LIPJ: variants seen among roughly 807,000 people sequenced by gnomAD.
LIPJ encodes the protein lipase member J.
LIPJ carries 33 observed loss-of-function variants against 39.8 expected under a neutral mutation model. That is an observed-to-expected ratio of 0.83 (90% CI 0.63 to 1.11). The LOEUF (loss-of-function observed/expected upper bound fraction) is 1.11. Ranked by LOEUF, LIPJ falls within the 50% of genes least tolerant of loss-of-function variation. The pLI, the probability that LIPJ is intolerant of heterozygous loss-of-function variation, is 0.00. For synonymous variants in LIPJ, 128 were observed against 139.2 expected (o/e 0.92, Z 0.57); for missense variants, 422 against 427.9 (o/e 0.99, Z 0.12).
intron 4 of LIPJ, chr10:88,593,044 G>A (rs1432156685): frequency 1.3e-5 from 2 of 151,898 alleles, no homozygotes; most frequent in Non-Finnish European, 2.9e-5. Flanking sequence ...AGTTAAAACA[G>A]GGCATAGAAG....
At chr10:88,583,141 G>A (rs1564924532), upstream of LIPJ, 1 of 1,614,106 alleles carries the variant, frequency 6.2e-7, no homozygotes, top group Admixed American at 1.7e-5. Flanking sequence ...CAGCAGCGCA[G>A]CGCACAAGCT....
At chr10:88,609,696 C>G (rs1400518310), downstream of LIPJ, among the ~76,000 whole-genome samples, 1 of 151,930 alleles carries the variant, frequency 6.6e-6, no homozygotes, top group Non-Finnish European at 1.5e-5. Flanking sequence ...GTCAAGAGAT[C>G]GGGACCATCC....
chr10:88,612,941 T>A, the LIPJ span, among the ~76,000 whole-genome samples: 1 of 152,224 alleles, frequency 6.6e-6, no homozygotes, highest in South Asian at 2.1e-4. Context: ...TACACTGTAT[T>A]CATCAGCACA....
chr10:88,605,699 A>C, exon 10 of LIPJ: 3 of 1,599,788 alleles, frequency 1.9e-6, no homozygotes, highest in Non-Finnish European at 2.6e-6. Context: ...GGTTCATTAT[A>C]ATCAGGTACA....
At chr10:88,622,290 C>G in the LIPJ span, among the ~76,000 whole-genome samples, 1 of 152,162 alleles carries the variant, frequency 6.6e-6, no homozygotes, top group African/African-American at 2.4e-5. Flanking sequence ...TTATCCTTCT[C>G]CCTTGTTTCC....
At chr10:88,607,552 C>T (rs975157766), downstream of LIPJ, among the ~76,000 whole-genome samples, 4 of 152,146 alleles carry the variant, frequency 2.6e-5, no homozygotes, top group Non-Finnish European at 5.9e-5. Flanking sequence ...TCCTAGGTAA[C>T]TAGATCTGAG....
chr10:88,620,407 G>A, the LIPJ span, among the ~76,000 whole-genome samples: 1 of 152,160 alleles, frequency 6.6e-6, no homozygotes, highest in South Asian at 2.1e-4. Context: ...GTTAATAGAA[G>A]TGAGATCAAA....
Position 88,591,667 on chromosome 10 carries a change from C to T in LIPJ, c.130+169C>T, listed in dbSNP as rs895021112. The stretch of plus-strand genomic sequence containing the variant: ...AGAAGAGTCACACAAGAAGATACAC[C>T]GGCCTTCTGGTCACAGAGAGGTTGT... On this transcript the variant is annotated intron_variant, in intron 4 of 10. Transcript: ENST00000371939. The T allele has an allele frequency of 1.0e-4, 47 of 451,222 alleles. No homozygotes were observed. The South Asian group carries it at 2.0e-3, about 19-fold the overall frequency. The allele number at this position is 451,222 out of a possible 1,614,324, so 28.0% of individuals were successfully genotyped here.
At chr10:88,603,782 C>T (rs1851572391) in intron 9 of LIPJ, among the ~76,000 whole-genome samples, 1 of 152,026 alleles carries the variant, frequency 6.6e-6, no homozygotes, top group Non-Finnish European at 1.5e-5. Context: ...AAGGCTTTTT[C>T]ATTTACGAAA....
upstream of LIPJ, chr10:88,583,029 C>T: frequency 1.9e-6 from 3 of 1,594,542 alleles, no homozygotes; most frequent in Non-Finnish European, 2.6e-6. Context: ...AGCAGCCTGC[C>T]CGGCAGTCCT....
At chr10:88,593,533 C>CA (rs1851152064) in intron 4 of LIPJ, 2 of 152,640 alleles carry the variant, frequency 1.3e-5, no homozygotes, top group Non-Finnish European at 2.9e-5. Context: ...ATCAGGTTGG[C>CA]AGCCTCTTGT....
chr10:88,591,561 T>C (rs1590075503), intron 4 of LIPJ, 63 bp downstream of exon 4: 4 of 1,421,532 alleles, frequency 2.8e-6, no homozygotes, highest in East Asian at 2.4e-5. Flanking sequence ...ATTGCTCCAA[T>C]TGACGGAGAA....
intron 8 of LIPJ, 129 bp downstream of exon 8, chr10:88,597,065 CCTAT>C (rs1260815684): frequency 6.2e-5 from 33 of 534,072 alleles, no homozygotes; most frequent in Middle Eastern, 5.0e-4. Context: ...AGATTCTTAG[CCTAT>C]CTGATTTTAT....
chr10:88,590,507 G>T, intron 2 of LIPJ, 78 bp from the exon 3 acceptor site: 1 of 510,176 alleles, frequency 2.0e-6, no homozygotes, highest in East Asian at 3.6e-5. Context: ...CTACCTCATA[G>T]AATTATTGGC....
chr10:88,600,412 A>C (rs1399659777), intron 8 of LIPJ, among the ~76,000 whole-genome samples: 5 of 152,264 alleles, frequency 3.3e-5, no homozygotes, highest in African/African-American at 1.2e-4. Context: ...CATCTAATAA[A>C]TTTTAAAGTT....
exon 7 of LIPJ, chr10:88,596,297 A>G (rs945944465): frequency 2.0e-6 from 3 of 1,477,384 alleles, no homozygotes; most frequent in African/African-American, 1.4e-5. Flanking sequence ...AACATTTTCT[A>G]CTATATCAAA....
chr10:88,582,986 T>TA (rs1850731553), upstream of LIPJ: 14 of 1,462,042 alleles, frequency 9.6e-6, no homozygotes, highest in East Asian at 2.7e-4. Context: ...GTTTTCGCCT[T>TA]AGACTTTCTT....
chr10:88,592,553 T>C (rs1851115394), intron 4 of LIPJ: 1 of 151,818 alleles, frequency 6.6e-6, no homozygotes, highest in Non-Finnish European at 1.5e-5. Context: ...AGCTAAAAGA[T>C]GATCTCAGAG....
At chr10:88,604,053 T>C (rs566571693) in intron 9 of LIPJ, among the ~76,000 whole-genome samples, 2 of 152,322 alleles carry the variant, frequency 1.3e-5, no homozygotes, top group South Asian at 2.1e-4. Context: ...TGTAGGTATA[T>C]AGATTATAAA....
Sources: allele counts gnomAD v4.1 joint callset (sites outside exome capture counted in the v4.1 genomes callset), GRCh38; gene constraint gnomAD v4.1.1; transcripts MANE v1.5; gene names NCBI Gene and HGNC (gene_info 2026-07-23, HGNC 2026-07-21).